Variants in GLI3 observed in about 807,000 individuals in gnomAD.
GLI3 encodes the protein transcription activator GLI3.
A neutral mutation model predicts 100.8 loss-of-function variants in GLI3; 20 were observed. The ratio of observed to expected loss-of-function variants is 0.20; its 90% CI spans 0.14 to 0.29. The LOEUF (loss-of-function observed/expected upper bound fraction) is 0.29. Ranked by LOEUF, GLI3 falls within the 10% of genes least tolerant of loss-of-function variation. The pLI, the probability that GLI3 is intolerant of heterozygous loss-of-function variation, is 1.00. For missense variants in GLI3, 2,040 were observed against 2,128.5 expected (o/e 0.96, Z 0.82); for synonymous variants, 938 against 860.5 (o/e 1.09, Z -1.58).
intron 3 of GLI3, among the ~76,000 whole-genome samples, chr7:42,135,181 G>T (rs909151994): frequency 2.0e-5 from 3 of 152,040 alleles, no homozygotes; most frequent in Admixed American, 6.5e-5. Flanking sequence ...GAACGCTAAG[G>T]TCATGTCTTT....
intron 10 of GLI3, among the ~76,000 whole-genome samples, chr7:42,000,440 T>C (rs1788254303): frequency 6.6e-6 from 1 of 152,184 alleles, no homozygotes; most frequent in African/African-American, 2.4e-5. Context: ...CAATATGGAA[T>C]GGGATTATTT....
rs768107926 is a variant in GLI3 at position 42,148,321 on chromosome 7, T to C, written c.272A>G (p.His91Arg). The C allele has an allele frequency of 5.8e-5, 93 of 1,613,560 alleles. No homozygotes were observed. Among genetic ancestry groups the C allele is most frequent in the Non-Finnish European group, 3.4e-5 (40 of 1,179,818 alleles). The change falls in exon 3 of 15, where the codon CAT (histidine) becomes CGT (arginine). Residue 91 changes from histidine to arginine, a missense_variant. Around this residue, in one of 5 missense-constraint regions of GLI3, gnomAD observed 603 missense variants for 690.9 expected, o/e 0.87. Coordinates refer to ENST00000395925, the MANE Select transcript of GLI3 (RefSeq NM_000168.6). ...CTCCGCCACGTGTGGCAGGGACCCA[T>C]GGATCTCTTTCTTGATCAATGAGGC... The part of the protein sequence containing the change: ...ERASLIKKEI[H>R]GSLPHVAEPS...
intron 10 of GLI3, among the ~76,000 whole-genome samples, chr7:42,012,030 G>C (rs1338462403): frequency 6.6e-6 from 1 of 152,116 alleles, no homozygotes; most frequent in Non-Finnish European, 1.5e-5. Context: ...CTTCCTGCTG[G>C]TCCTCACCGC....
chr7:42,071,112 T>A (rs1784775541), intron 4 of GLI3, among the ~76,000 whole-genome samples: 1 of 152,194 alleles, frequency 6.6e-6, no homozygotes, highest in South Asian at 2.1e-4. Flanking sequence ...GGAGCTACCA[T>A]ATGTAGAGCA....
chr7:41,968,717 A>G (rs866562189), intron 13 of GLI3, among the ~76,000 whole-genome samples: 139 of 103,578 alleles, frequency 1.3e-3, no homozygotes, highest in African/African-American at 5.0e-3. Context: ...AAGAAAGAAG[A>G]AAGAAAGAAA....
At chr7:42,013,517 C>A (rs1206525384) in intron 10 of GLI3, among the ~76,000 whole-genome samples, 1 of 151,974 alleles carries the variant, frequency 6.6e-6, no homozygotes, top group African/African-American at 2.4e-5. Context: ...GTGTGCCTCA[C>A]CATGTTCGGC....
intron 3 of GLI3, among the ~76,000 whole-genome samples, chr7:42,095,692 C>T (rs1785323038): frequency 6.6e-6 from 1 of 152,058 alleles, no homozygotes. Flanking sequence ...CAGGAGAGGA[C>T]ACAAGAGGAG....
chr7:42,046,760 C>T (rs368590350), intron 5 of GLI3, among the ~76,000 whole-genome samples: 116 of 152,310 alleles, frequency 7.6e-4, no homozygotes, highest in African/African-American at 2.6e-3. Flanking sequence ...TAGTCATTTC[C>T]ACCAACTCCC....
chr7:42,089,725 C>T (rs1170525645), intron 3 of GLI3, among the ~76,000 whole-genome samples: 2 of 152,192 alleles, frequency 1.3e-5, no homozygotes, highest in Non-Finnish European at 2.9e-5. Flanking sequence ...TTACAATAAT[C>T]ACTACAGCCA....
intron 2 of GLI3, among the ~76,000 whole-genome samples, chr7:42,208,282 AGTCAGAGGC>A (rs1347934268): frequency 6.6e-6 from 1 of 152,206 alleles, no homozygotes; most frequent in Non-Finnish European, 1.5e-5. Flanking sequence ...CCTTCAGTGA[AGTCAGAGGC>A]GTCCTGCATT....
chr7:42,004,553 C>T (rs771292724), intron 10 of GLI3, among the ~76,000 whole-genome samples: 4 of 151,734 alleles, frequency 2.6e-5, no homozygotes, highest in Non-Finnish European at 4.4e-5. Flanking sequence ...AGGAATAGGC[C>T]AGAAATGAAA....
chr7:42,081,969 T>A (rs1785005406), intron 3 of GLI3, among the ~76,000 whole-genome samples: 1 of 151,998 alleles, frequency 6.6e-6, no homozygotes, highest in Non-Finnish European at 1.5e-5. Context: ...CTTGGAATCA[T>A]CTCAATCAGC....
chr7:42,198,099 A>G (rs2128691393), intron 2 of GLI3, among the ~76,000 whole-genome samples: 1 of 152,182 alleles, frequency 6.6e-6, no homozygotes, highest in Admixed American at 6.5e-5. Context: ...TCATTTTTAT[A>G]CCTACTCATT....
At chr7:42,145,971 CA>C (rs1275151166) in intron 3 of GLI3, among the ~76,000 whole-genome samples, 3 of 152,154 alleles carry the variant, frequency 2.0e-5, no homozygotes. Context: ...ACACAGCTAG[CA>C]AGTGACAAAG....
At chr7:42,031,141 T>C (rs554552165) in intron 7 of GLI3, among the ~76,000 whole-genome samples, 206 of 152,342 alleles carry the variant, frequency 1.4e-3, no homozygotes, top group African/African-American at 4.3e-3. Context: ...CCCCACTCTT[T>C]CCAATGAGTC....
rs368711185 is a variant in GLI3 at position 41,978,649 on chromosome 7, A to G, written c.1597T>C (p.Leu533=). The G allele has an allele frequency of 1.4e-5, 23 of 1,613,888 alleles. No individual in the cohort carries two copies. The African/African-American group carries it at 2.9e-4, about 21-fold the overall frequency. The change falls in exon 11 of 15, where the codon TTG becomes CTG. Residue 533 remains leucine, a synonymous_variant. Coordinates refer to ENST00000395925, the MANE Select transcript of GLI3 (RefSeq NM_000168.6). ...GTGTGTCTTCTCATATGCACTACCA[A>G]CATATACTGGGCTTTGAAGGGTTTC... ...EQKPFKAQYM[L]VVHMRRHTGE... is the part of the protein sequence containing the mutation.
chr7:42,209,790 A>G (rs538787533), intron 2 of GLI3, among the ~76,000 whole-genome samples: 12 of 150,374 alleles, frequency 8.0e-5, no homozygotes, highest in Admixed American at 7.3e-4. Flanking sequence ...ACTCAGCTCC[A>G]CGTTTCCTAA....
chr7:42,076,706 CAG>C, intron 4 of GLI3, 44 bp downstream of exon 4: 2 of 1,205,692 alleles, frequency 1.7e-6, no homozygotes, highest in South Asian at 2.4e-5. Flanking sequence ...TGGTAAAAGC[CAG>C]CATCTCGTTC....
intron 6 of GLI3, among the ~76,000 whole-genome samples, chr7:42,041,393 A>T (rs1784133608): frequency 6.6e-6 from 1 of 152,244 alleles, no homozygotes; most frequent in South Asian, 2.1e-4. Context: ...GCTTCAAGAC[A>T]CAGAGATGAA....
Sources: allele counts gnomAD v4.1 joint callset (sites outside exome capture counted in the v4.1 genomes callset), GRCh38; gene constraint gnomAD v4.1.1; regional missense constraint gnomAD v4.1.1; transcripts MANE v1.5; gene names NCBI Gene and HGNC (gene_info 2026-07-23, HGNC 2026-07-21).